Variants in SCARA5 observed in about 807,000 individuals in gnomAD.
SCARA5 encodes the protein scavenger receptor class A, member 5 (putative).
A neutral mutation model predicts 46.3 loss-of-function variants in SCARA5; 45 were observed. That is an observed-to-expected ratio of 0.97 (90% CI 0.76 to 1.24). The LOEUF is 1.24. Ranked by LOEUF, SCARA5 falls within the 50% of genes most tolerant of loss-of-function variation. The pLI, the probability that SCARA5 is intolerant of heterozygous loss-of-function variation, is 0.00. For synonymous variants in SCARA5, 333 were observed against 306.5 expected (o/e 1.09, Z -0.90); for missense variants, 680 against 689.0 (o/e 0.99, Z 0.15).
chr8:27,891,020 G>A (rs563029477), intron 7 of SCARA5, among the ~76,000 whole-genome samples: 5 of 152,174 alleles, frequency 3.3e-5, no homozygotes, highest in South Asian at 2.1e-4. Context: ...AAGTGCTCTC[G>A]CAAGTCTGAG....
In SCARA5 at chr8:27,920,683, G is replaced by A. The variant is rs866155563; in HGVS notation, c.916+888C>T. Among the ~76,000 whole-genome samples, 5 of 151,272 alleles carry A rather than the reference G, an allele frequency of 3.3e-5. No homozygotes were observed. The Middle Eastern group carries it at 0.011, about 320-fold the overall frequency. Reference sequence around the variant, plus strand: ...AAAATGTAGTGGGGCATGGCAGTGTGCACCTGTAGTCCTAACTACTTGGAA... The same window carrying A: ...AAAATGTAGTGGGGCATGGCAGTGTACACCTGTAGTCCTAACTACTTGGAA... On this transcript the variant is annotated intron_variant, in intron 4 of 8. Coordinates refer to ENST00000354914, the MANE Select transcript of SCARA5 (RefSeq NM_173833.6).
chr8:27,917,802 A>G (rs10094821), intron 4 of SCARA5, among the ~76,000 whole-genome samples: 9,297 of 152,266 alleles, frequency 0.061, 970 homozygotes, highest in African/African-American at 0.21. Context: ...CCTGAACACT[A>G]ATCCCTGCTA....
At chr8:27,951,878 G>A (rs1170688950) in intron 3 of SCARA5, among the ~76,000 whole-genome samples, 4 of 152,170 alleles carry the variant, frequency 2.6e-5, no homozygotes, top group Non-Finnish European at 4.4e-5. Context: ...CCCAGAAGGA[G>A]GGACATGTGA....
At chr8:27,919,421 T>C (rs1218360787) in intron 4 of SCARA5, among the ~76,000 whole-genome samples, 1 of 152,092 alleles carries the variant, frequency 6.6e-6, no homozygotes, top group Non-Finnish European at 1.5e-5. Context: ...AGACCATGTA[T>C]GGCCCTTGAG....
At chr8:27,980,924 G>T (rs1808604935) in intron 2 of SCARA5, among the ~76,000 whole-genome samples, 1 of 152,152 alleles carries the variant, frequency 6.6e-6, no homozygotes, top group Non-Finnish European at 1.5e-5. Context: ...ACACTCTCCA[G>T]GCCAGGGTCC....
At position 27,909,735 on chromosome 8, in the gene SCARA5, C is replaced by A. The variant is rs1394171976; in HGVS notation, c.925G>T (p.Gly309Ter). The part of the protein sequence containing the change: ...RNISLAKGPP[G>*]PKGDQGDEGK... ...TCATCCCCCTGATCACCTTTGGGTC[C>A]CGGTGGCCCTGGAAAGGCAAAAACA... The change falls in exon 5 of 9, where the codon GGA (glycine) becomes TGA (stop). Residue 309 changes from glycine (G) to a stop codon, truncating the protein, a stop_gained. Coordinates refer to ENST00000354914, the MANE Select transcript of SCARA5 (RefSeq NM_173833.6). LOFTEE classifies it high-confidence loss of function. 1 of 1,551,120 alleles carries A rather than the reference C, an allele frequency of 6.4e-7. No homozygotes were observed. Among genetic ancestry groups the A allele is most frequent in the South Asian group, 1.2e-5 (1 of 83,942 alleles).
At chr8:27,941,367 T>C (rs566677548) in intron 3 of SCARA5, among the ~76,000 whole-genome samples, 1 of 152,358 alleles carries the variant, frequency 6.6e-6, no homozygotes, top group South Asian at 2.1e-4. Context: ...TGATACATAC[T>C]CTTGGACATG....
chr8:27,911,688 T>G lies in SCARA5; in HGVS notation c.917-1945A>C, dbSNP rs1161918184. On this transcript the variant is annotated intron_variant, in intron 4 of 8. Coordinates refer to ENST00000354914, the MANE Select transcript of SCARA5 (RefSeq NM_173833.6). ...CATGGGTGACAAGAGTGGAACTCTG[T>G]CTCCAAAAAAAAAGAAAGAAGAAAG... Among the ~76,000 whole-genome samples, 5 of 103,330 alleles carry G rather than the reference T, an allele frequency of 4.8e-5. No individual in the cohort carries two copies. The East Asian group carries it at 7.5e-4, about 15-fold the overall frequency. 67.8% of individuals were successfully genotyped at this position (103,330 alleles called of 152,430 possible).
At position 27,918,805 on chromosome 8, in the gene SCARA5, G is replaced by A. The variant is rs541133570; in HGVS notation, c.916+2766C>T. ...AGGAAGAGGAGAAAGAGGAGGAGGA[G>A]GAGGGGAAGGAAAAGGATAAGGAAG... On this transcript the variant is annotated intron_variant, in intron 4 of 8. Transcript: ENST00000354914. Among the ~76,000 whole-genome samples the A allele has an allele frequency of 5.6e-3, 837 of 149,366 alleles. 11 individuals carry two copies. The highest frequency in any genetic ancestry group is 0.02 in the African/African-American group (785 of 39,902).
At chr8:27,946,154 T>C (rs2129884899) in intron 3 of SCARA5, among the ~76,000 whole-genome samples, 1 of 152,334 alleles carries the variant, frequency 6.6e-6, no homozygotes, top group East Asian at 1.9e-4. Context: ...GATGAGCAAT[T>C]AGGAACAATT....
In SCARA5 at chr8:27,914,431, G is replaced by A. The variant is rs189435443; in HGVS notation, c.917-4688C>T. Among the ~76,000 whole-genome samples, 333 of 152,322 alleles carry A rather than the reference G, an allele frequency of 2.2e-3. 3 individuals carry two copies. The highest frequency in any genetic ancestry group is 2.9e-3 in the African/African-American group (122 of 41,584). On this transcript the variant is annotated intron_variant, in intron 4 of 8. Coordinates refer to ENST00000354914, the MANE Select transcript of SCARA5 (RefSeq NM_173833.6). ...GCACAATGCCCCTGTGGGAGCACCC[G>A]GAGCCTGGTCAGGTGACCTCTGCCC...
intron 4 of SCARA5, among the ~76,000 whole-genome samples, chr8:27,912,346 TGACA>T (rs1380406669): frequency 3.3e-5 from 5 of 152,180 alleles, no homozygotes; most frequent in South Asian, 2.1e-4. Flanking sequence ...TAACCAAACT[TGACA>T]GACATTTAAT....
At chr8:27,962,296 A>C (rs1017104917) in intron 3 of SCARA5, among the ~76,000 whole-genome samples, 1 of 152,240 alleles carries the variant, frequency 6.6e-6, no homozygotes, top group Admixed American at 6.5e-5. Context: ...GTAATTTTAA[A>C]GACTTTCAGA....
intron 4 of SCARA5, among the ~76,000 whole-genome samples, chr8:27,910,844 C>CTGG (rs1447451127): frequency 6.6e-6 from 1 of 152,230 alleles, no homozygotes; most frequent in African/African-American, 2.4e-5. Flanking sequence ...TGGGGCTGCC[C>CTGG]TCCAGGCTGG....
rs113698303 is a variant in SCARA5 at position 27,954,109 on chromosome 8, T to C, written c.241+12305A>G. Among the ~76,000 whole-genome samples, 400 of 152,312 alleles carry C rather than the reference T, an allele frequency of 2.6e-3. 2 individuals carry two copies. The highest frequency in any genetic ancestry group is 0.01 in the Middle Eastern group (3 of 294). On this transcript the variant is annotated intron_variant, in intron 3 of 8. Coordinates refer to ENST00000354914, the MANE Select transcript of SCARA5 (RefSeq NM_173833.6). Reference sequence around the variant, plus strand: ...TCTGACTGTATTGTCACCCTGTCTCTCCTTTGCTTGTGTCCTCAGGGCACT... The same window carrying C: ...TCTGACTGTATTGTCACCCTGTCTCCCCTTTGCTTGTGTCCTCAGGGCACT...
At position 27,879,531 on chromosome 8, in the gene SCARA5, G is replaced by T. The variant is rs999700687; in HGVS notation, c.1351+38C>A. On this transcript the variant is annotated intron_variant, in intron 8 of 8. Coordinates refer to ENST00000354914, the MANE Select transcript of SCARA5 (RefSeq NM_173833.6). ...GTGAGCCCAGTCCTAGGATGTGCAG[G>T]CCCTCTCCTCATGTTTTTTGCCCTC... 6 of 1,584,548 alleles carry T rather than the reference G, an allele frequency of 3.8e-6. No individual in the cohort carries two copies. In the African/African-American group the frequency reaches 6.7e-5, roughly 18 times the overall value.
chr8:27,960,753 G>A (rs758649307), intron 3 of SCARA5, among the ~76,000 whole-genome samples: 7 of 152,046 alleles, frequency 4.6e-5, no homozygotes, highest in African/African-American at 7.2e-5. Context: ...AACAATAGAA[G>A]TATCATGTAG....
chr8:27,986,075 T>C (rs1176492902), intron 2 of SCARA5, among the ~76,000 whole-genome samples: 1 of 152,066 alleles, frequency 6.6e-6, no homozygotes, highest in Non-Finnish European at 1.5e-5. Context: ...CTGTACCCAG[T>C]CTTTCTTGCC....
At chr8:27,913,012 C>T (rs970883384) in intron 4 of SCARA5, among the ~76,000 whole-genome samples, 2 of 152,208 alleles carry the variant, frequency 1.3e-5, no homozygotes, top group African/African-American at 4.8e-5. Flanking sequence ...TCCCGATCAC[C>T]TCACTCTGCA....
Sources: allele counts gnomAD v4.1 joint callset (sites outside exome capture counted in the v4.1 genomes callset), GRCh38; gene constraint gnomAD v4.1.1; transcripts MANE v1.5; gene names NCBI Gene and HGNC (gene_info 2026-07-23, HGNC 2026-07-21).